Variants in ITPR1 observed in about 807,000 individuals in gnomAD.
ITPR1 encodes the protein inositol 1,4,5-trisphosphate receptor type 1, also known as inositol 1,4,5-trisphosphate-gated calcium channel ITPR1.
ITPR1 carries 96 observed loss-of-function variants against 318.4 expected under a neutral mutation model. That is an observed-to-expected ratio of 0.30 (90% CI 0.26 to 0.36). ITPR1 has a LOEUF of 0.36. Among genes scored for constraint, ITPR1 ranks in the 10% least tolerant of loss-of-function variants. The probability of loss-of-function intolerance (pLI) is 1.00; values close to 1 mark genes in which losing one functional copy is unlikely to be tolerated. For missense variants in ITPR1, 2,440 were observed against 3,460.2 expected, an observed-to-expected ratio of 0.71 and a Z score of 7.40; for synonymous variants, 1,312 against 1,289.9, an observed-to-expected ratio of 1.02 and a Z score of -0.37.
chr3:4,524,957 G>T (rs304024), intron 4 of ITPR1, among the ~76,000 whole-genome samples: 151,616 of 152,356 alleles, frequency 1, 75,446 homozygotes, highest in Middle Eastern at 1. Context: ...AATTTAGTAC[G>T]GGGGGAGTCT....
intron 4 of ITPR1, among the ~76,000 whole-genome samples, chr3:4,550,122 T>A (rs1575497808): frequency 6.6e-6 from 1 of 152,222 alleles, no homozygotes; most frequent in Middle Eastern, 3.4e-3. Context: ...TAGCAAGTTG[T>A]CTGCTAACAG....
chr3:4,603,522 T>C (rs373424055), intron 4 of ITPR1, among the ~76,000 whole-genome samples: 75 of 152,206 alleles, frequency 4.9e-4, no homozygotes, highest in South Asian at 3.5e-3. Context: ...CTCCACCTCC[T>C]GGGTTCAAGC....
At chr3:4,568,495 G>A (rs1026021071) in intron 4 of ITPR1, among the ~76,000 whole-genome samples, 1 of 152,212 alleles carries the variant, frequency 6.6e-6, no homozygotes, top group African/African-American at 2.4e-5. Flanking sequence ...AATTGACAGT[G>A]TGAAGTGTGG....
chr3:4,806,189 T>C lies in ITPR1; in HGVS notation c.7194T>C (p.Val2398=), dbSNP rs370200529. The C allele has an allele frequency of 8.1e-6, 13 of 1,613,228 alleles. No homozygotes were observed. Among genetic ancestry groups the C allele is most frequent in the Middle Eastern group, 1.6e-4 (1 of 6,084 alleles). Residue 2398 remains valine, a synonymous_variant, in exon 55 of 62, where the codon GTT becomes GTC. Coordinates refer to ENST00000649015, the MANE Select transcript of ITPR1 (RefSeq NM_001378452.1). ...GCTACCGAGCCATGGTTCTGGATGT[T>C]GAGTTCCTCTATCATTTGTTGTATC... The part of the protein sequence containing the change: ...TRGYRAMVLD[V]EFLYHLLYLV...
chr3:4,519,485 A>G (rs572250540), intron 3 of ITPR1, among the ~76,000 whole-genome samples: 1 of 152,172 alleles, frequency 6.6e-6, no homozygotes, highest in African/African-American at 2.4e-5. Context: ...TCGGCCTCCC[A>G]AAGTGCTGGG....
At chr3:4,625,817 A>G (rs937208911) in intron 4 of ITPR1, among the ~76,000 whole-genome samples, 1 of 152,182 alleles carries the variant, frequency 6.6e-6, no homozygotes, top group Admixed American at 6.5e-5. Flanking sequence ...TTGGCCTCCC[A>G]AAGTGCTGGG....
At chr3:4,542,467 T>C (rs2084550719) in intron 4 of ITPR1, among the ~76,000 whole-genome samples, 1 of 152,236 alleles carries the variant, frequency 6.6e-6, no homozygotes, top group African/African-American at 2.4e-5. Context: ...AATTTTGTTT[T>C]AGGTATTTTT....
intron 53 of ITPR1, chr3:4,799,934 A>C (rs916510906): frequency 6.5e-5 from 10 of 153,036 alleles, no homozygotes; most frequent in African/African-American, 2.4e-4. Flanking sequence ...GCCTTCTTTG[A>C]GTGAAGTGTG....
chr3:4,523,141 G>C, intron 4 of ITPR1, among the ~76,000 whole-genome samples: 1 of 152,186 alleles, frequency 6.6e-6, no homozygotes, highest in Non-Finnish European at 1.5e-5. Flanking sequence ...CTGGGACCAA[G>C]GGGAGGGATA....
At chr3:4,691,489 A>G (rs1190994305) in intron 32 of ITPR1, 145 bp downstream of exon 32, 5 of 586,058 alleles carry the variant, frequency 8.5e-6, no homozygotes, top group Admixed American at 3.0e-5. Flanking sequence ...TGTCTGTGTC[A>G]TCTCTTGTGT....
At chr3:4,657,415 T>C (rs2093737197) in intron 12 of ITPR1, among the ~76,000 whole-genome samples, 1 of 143,832 alleles carries the variant, frequency 7.0e-6, no homozygotes, top group Admixed American at 7.0e-5. Flanking sequence ...TTTTTAATCA[T>C]CTGGAGCACT....
chr3:4,766,720 C>A lies in ITPR1; in HGVS notation c.5725+10C>A. The A allele has an allele frequency of 6.3e-7, 1 of 1,584,904 alleles. No homozygotes were observed. The highest frequency in any genetic ancestry group is 8.6e-7 in the Non-Finnish European group (1 of 1,164,726). On this transcript the variant is annotated intron_variant, in intron 45 of 61. Coordinates refer to ENST00000649015, the MANE Select transcript of ITPR1 (RefSeq NM_001378452.1). ...CCATCACGGAAAAAAGGTAAATGTTCCTCAGTCTTCAGTCAGCTGGATCAT... is the reference window on the plus strand; with the variant it reads ...CCATCACGGAAAAAAGGTAAATGTTACTCAGTCTTCAGTCAGCTGGATCAT...
chr3:4,615,128 C>T (rs1201977028), intron 4 of ITPR1, among the ~76,000 whole-genome samples: 1 of 152,208 alleles, frequency 6.6e-6, no homozygotes, highest in Non-Finnish European at 1.5e-5. Context: ...GCCTCTGTCA[C>T]AGTGACCCCT....
chr3:4,647,539 G>T (rs2093487640), intron 10 of ITPR1, among the ~76,000 whole-genome samples: 1 of 152,156 alleles, frequency 6.6e-6, no homozygotes, highest in Non-Finnish European at 1.5e-5. Context: ...AAAGTGATTG[G>T]ACCATTTTAC....
At chr3:4,690,770 A>G (rs2094468265) in intron 31 of ITPR1, among the ~76,000 whole-genome samples, 1 of 152,222 alleles carries the variant, frequency 6.6e-6, no homozygotes. Context: ...CATATCAGTG[A>G]AAAAGAGTGC....
chr3:4,604,193 T>C (rs1191038162), intron 4 of ITPR1, among the ~76,000 whole-genome samples: 1 of 152,146 alleles, frequency 6.6e-6, no homozygotes, highest in African/African-American at 2.4e-5. Context: ...ATGTTTTAGG[T>C]GAGAGGCACA....
intron 10 of ITPR1, among the ~76,000 whole-genome samples, chr3:4,650,646 C>CAT (rs2093576115): frequency 7.4e-6 from 1 of 135,322 alleles, no homozygotes; most frequent in Non-Finnish European, 1.5e-5. Context: ...TGTGTGTGTG[C>CAT]GCGCGTCTGT....
chr3:4,816,265 G>A (rs1445180891), intron 59 of ITPR1: 2 of 152,196 alleles, frequency 1.3e-5, no homozygotes, highest in Non-Finnish European at 2.9e-5. Flanking sequence ...AGCCTCCGCT[G>A]ACACTGTTGA....
chr3:4,711,844 C>G lies in ITPR1; in HGVS notation c.5079C>G (p.Thr1693=), dbSNP rs1248702584. 27 of 1,527,214 alleles carry G rather than the reference C, an allele frequency of 1.8e-5. No homozygotes were observed. The highest frequency in any genetic ancestry group is 4.1e-5 in the Admixed American group (2 of 49,368). 94.6% of individuals were successfully genotyped at this position (1,527,214 alleles called of 1,614,324 possible). The change falls in exon 39 of 62, where the codon ACC becomes ACG. Residue 1693 remains threonine, a synonymous_variant. Transcript: ENST00000649015. ...TACAGACCCTGAGGGAAATGATGAC[C>G]AAAGATAGAGGCTATGGAGAAAAGG... ...KVLQTLREMM[T]KDRGYGEKLI... is the part of the protein sequence containing the mutation.
Sources: allele counts gnomAD v4.1 joint callset (sites outside exome capture counted in the v4.1 genomes callset), GRCh38; gene constraint gnomAD v4.1.1; transcripts MANE v1.5; gene names NCBI Gene and HGNC (gene_info 2026-07-23, HGNC 2026-07-21).